The following COL5A2 variants were observed in gnomAD, a reference collection of about 807,000 sequenced individuals.
COL5A2 encodes the protein collagen type V alpha 2 chain.
COL5A2 carries 23 observed loss-of-function variants against 208.2 expected under a neutral mutation model. That is an observed-to-expected ratio of 0.11 (90% CI 0.08 to 0.16). The LOEUF is 0.16. COL5A2 is among the 10% of genes least tolerant of loss of function. COL5A2 has a pLI of 1.00. For missense variants in COL5A2, 1,590 were observed against 1,956.4 expected, an observed-to-expected ratio of 0.81 and a Z score of 3.53; for synonymous variants, 625 against 628.5, an observed-to-expected ratio of 0.99 and a Z score of 0.08.
At chr2:189,323,988 A>G in the COL5A2 span, among the ~76,000 whole-genome samples, 4 of 152,222 alleles carry the variant, frequency 2.6e-5, no homozygotes, top group African/African-American at 4.8e-5. Context: ...AGACCAGTGG[A>G]ACAGAACAGA....
chr2:189,366,805 G>A, the COL5A2 span, among the ~76,000 whole-genome samples: 2 of 152,188 alleles, frequency 1.3e-5, no homozygotes, highest in Non-Finnish European at 2.9e-5. Context: ...ATCAAAGAAT[G>A]AGAACTTTGT....
the COL5A2 span, among the ~76,000 whole-genome samples, chr2:189,327,991 T>A: frequency 6.6e-6 from 1 of 152,216 alleles, no homozygotes; most frequent in African/African-American, 2.4e-5. Flanking sequence ...CATGTTTATC[T>A]TCTGAGATAC....
At chr2:189,109,539 A>G (rs1156466426) in intron 2 of COL5A2, among the ~76,000 whole-genome samples, 2 of 152,188 alleles carry the variant, frequency 1.3e-5, no homozygotes, top group Non-Finnish European at 2.9e-5. Context: ...AATAACCTGA[A>G]GGTTTAATAT....
At chr2:189,303,368 T>C in the COL5A2 span, among the ~76,000 whole-genome samples, 1 of 152,152 alleles carries the variant, frequency 6.6e-6, no homozygotes, top group South Asian at 2.1e-4. Flanking sequence ...TTCAGGTGCA[T>C]GTTTCCATTC....
chr2:189,246,637 A>G, the COL5A2 span, among the ~76,000 whole-genome samples: 1 of 152,226 alleles, frequency 6.6e-6, no homozygotes, highest in African/African-American at 2.4e-5. Context: ...AACTCTGTTC[A>G]TATTTGGGTT....
intron 1 of COL5A2, among the ~76,000 whole-genome samples, chr2:189,203,541 T>C (rs914667424): frequency 6.6e-6 from 1 of 152,234 alleles, no homozygotes; most frequent in Non-Finnish European, 1.5e-5. Flanking sequence ...AAAATTTTTT[T>C]ACAGAATCTG....
chr2:189,302,757 C>T, the COL5A2 span, among the ~76,000 whole-genome samples: 1 of 152,122 alleles, frequency 6.6e-6, no homozygotes, highest in Non-Finnish European at 1.5e-5. Context: ...ATCCCTTTGT[C>T]TGACATACCT....
chr2:189,045,630 C>G (rs1393605617), intron 46 of COL5A2, among the ~76,000 whole-genome samples, 170 bp downstream of exon 46: 1 of 152,144 alleles, frequency 6.6e-6, no homozygotes, highest in Non-Finnish European at 1.5e-5. Flanking sequence ...TGAAATTTTG[C>G]CTTTCAGACT....
intron 1 of COL5A2, among the ~76,000 whole-genome samples, chr2:189,179,219 A>C (rs537655357): frequency 2.0e-5 from 3 of 152,006 alleles, no homozygotes; most frequent in Admixed American, 6.6e-5. Flanking sequence ...TTAAGCATTC[A>C]CTCTTTTCTT....
At chr2:189,071,260 T>C (rs1220067790) in intron 18 of COL5A2, among the ~76,000 whole-genome samples, 1 of 152,212 alleles carries the variant, frequency 6.6e-6, no homozygotes, top group Non-Finnish European at 1.5e-5. Flanking sequence ...TACAGCATAA[T>C]CTTGTGCATA....
At chr2:189,049,266 C>A in intron 44 of COL5A2, 81 bp downstream of exon 44, 1 of 967,948 alleles carries the variant, frequency 1.0e-6, no homozygotes, top group Non-Finnish European at 1.6e-6. Context: ...CAATAAAATT[C>A]TAAATCAATT....
chr2:189,146,190 G>C (rs1450719723), intron 1 of COL5A2, among the ~76,000 whole-genome samples: 1 of 152,044 alleles, frequency 6.6e-6, no homozygotes, highest in African/African-American at 2.4e-5. Flanking sequence ...CAAAAGAAAA[G>C]AAAAAGTTCA....
At chr2:189,212,364 G>A (rs188885407) in intron 1 of COL5A2, among the ~76,000 whole-genome samples, 74 of 152,234 alleles carry the variant, frequency 4.9e-4, no homozygotes, top group Admixed American at 1.4e-3. Context: ...CTTGCTGGGC[G>A]CGGTGGCTCA....
chr2:189,090,025 G>A (rs1048551179), intron 7 of COL5A2, among the ~76,000 whole-genome samples: 1 of 152,262 alleles, frequency 6.6e-6, no homozygotes, highest in African/African-American at 2.4e-5. Flanking sequence ...TTGTAAGCTA[G>A]AAATGGTCTA....
intron 1 of COL5A2, among the ~76,000 whole-genome samples, chr2:189,163,751 T>A (rs559393823): frequency 6.6e-6 from 1 of 152,364 alleles, no homozygotes; most frequent in Non-Finnish European, 1.5e-5. Context: ...AGTACCTTTA[T>A]CTAAATATTC....
chr2:189,169,758 C>T (rs1183599671), intron 1 of COL5A2, among the ~76,000 whole-genome samples: 3 of 152,204 alleles, frequency 2.0e-5, no homozygotes, highest in Non-Finnish European at 4.4e-5. Flanking sequence ...GTTGCCCAGG[C>T]TGGAGCGCAA....
the COL5A2 span, among the ~76,000 whole-genome samples, chr2:189,351,648 AAAAT>A: frequency 6.6e-6 from 1 of 152,130 alleles, no homozygotes; most frequent in Non-Finnish European, 1.5e-5. Flanking sequence ...TGTTTATTCA[AAAAT>A]AAATAAATTT....
At chr2:189,407,596 T>C in the COL5A2 span, among the ~76,000 whole-genome samples, 1 of 152,234 alleles carries the variant, frequency 6.6e-6, no homozygotes, top group East Asian at 1.9e-4. Context: ...AAATGCTCCA[T>C]CGTCCCAGCA....
At chr2:189,081,289 G>T (rs940396901) in intron 12 of COL5A2, among the ~76,000 whole-genome samples, 5 of 152,228 alleles carry the variant, frequency 3.3e-5, no homozygotes, top group African/African-American at 1.2e-4. Context: ...GCCAGGTATT[G>T]AGTTCATGAC....
Sources: allele counts gnomAD v4.1 joint callset (sites outside exome capture counted in the v4.1 genomes callset), GRCh38; gene constraint gnomAD v4.1.1; transcripts MANE v1.5; gene names NCBI Gene and HGNC (gene_info 2026-07-23, HGNC 2026-07-21).